The following TCF7L1 variants were observed in gnomAD, a reference collection of about 807,000 sequenced individuals.
TCF7L1 encodes transcription factor 7 like 1, also known as transcription factor 7-like 1.
Under a neutral mutation model 63.7 loss-of-function variants are expected in TCF7L1, and 18 were observed. The observed-to-expected ratio is 0.28, with a 90% CI of 0.20 to 0.42. The LOEUF (loss-of-function observed/expected upper bound fraction) is 0.42. TCF7L1 is among the 10% of genes least tolerant of loss of function. TCF7L1 has a pLI of 1.00. For missense variants in TCF7L1, 654 were observed against 779.3 expected, an observed-to-expected ratio of 0.84 and a Z score of 1.91; for synonymous variants, 355 against 340.9, an observed-to-expected ratio of 1.04 and a Z score of -0.46.
In TCF7L1 at chr2:85,306,121, C is replaced by A; in HGVS notation, c.990-85C>A. 1.3e-6 allele frequency: 2 copies of A among 1,556,882 alleles called. No homozygotes were observed. Among genetic ancestry groups the A allele is most frequent in the Non-Finnish European group, 8.8e-7 (1 of 1,139,142 alleles). On this transcript the variant is annotated intron_variant, in intron 8 of 11. Coordinates refer to ENST00000282111, the MANE Select transcript of TCF7L1 (RefSeq NM_031283.3). The surrounding 1 kb of genome is among the most constrained non-coding windows in gnomAD (Gnocchi z 4.3). ...GGCAGCCCGCGCCCCTCCCCAGAGA[C>A]AATCAGCGGTGTTTCAGTGACAGGT...
intron 3 of TCF7L1, among the ~76,000 whole-genome samples, chr2:85,259,682 C>A (rs1297786669): frequency 6.6e-6 from 1 of 152,194 alleles, no homozygotes; most frequent in Non-Finnish European, 1.5e-5. Flanking sequence ...GGAGAATAAT[C>A]TTTTGGGAAA....
intron 3 of TCF7L1, among the ~76,000 whole-genome samples, chr2:85,201,848 G>A (rs1187010103): frequency 2.0e-5 from 3 of 152,156 alleles, no homozygotes; most frequent in Admixed American, 2.0e-4. Flanking sequence ...ACCTTTTCCT[G>A]ATGGCTAATG....
chr2:85,309,491 A>G lies in TCF7L1; in HGVS notation c.*29A>G, dbSNP rs1682224906. The G allele has an allele frequency of 2.0e-6, 3 of 1,513,792 alleles. No homozygotes were observed. The highest frequency in any genetic ancestry group is 2.3e-5 in the East Asian group (1 of 43,964). 93.8% of individuals were successfully genotyped at this position (1,513,792 alleles called of 1,614,324 possible). On this transcript the variant is annotated 3_prime_UTR_variant, in exon 12 of 12. Transcript: ENST00000282111. ...CCCCCCGACCCCTGCAGGCTGTCACATGACTCATTGAGTAGTAATGATTCA... is the reference window on the plus strand; with the variant it reads ...CCCCCCGACCCCTGCAGGCTGTCACGTGACTCATTGAGTAGTAATGATTCA...
intron 3 of TCF7L1, among the ~76,000 whole-genome samples, chr2:85,162,029 C>T (rs1165753651): frequency 6.6e-6 from 1 of 151,808 alleles, no homozygotes; most frequent in Non-Finnish European, 1.5e-5. Context: ...GAGAGCAGTG[C>T]CCTGAAGTTC....
intron 4 of TCF7L1, among the ~76,000 whole-genome samples, chr2:85,285,553 G>A (rs201290013): frequency 1.1e-4 from 16 of 152,360 alleles, no homozygotes; most frequent in African/African-American, 3.6e-4. Flanking sequence ...ACAAGCTGCT[G>A]TTGAACAAGC....
At chr2:85,229,252 C>G (rs1171105579) in intron 3 of TCF7L1, among the ~76,000 whole-genome samples, 3 of 152,108 alleles carry the variant, frequency 2.0e-5, no homozygotes, top group South Asian at 2.1e-4. Context: ...GAGGCTGAGG[C>G]AGGAAAATCA....
intron 10 of TCF7L1, 131 bp from the exon 11 acceptor site, chr2:85,307,511 C>A: frequency 1.4e-6 from 1 of 696,196 alleles, no homozygotes; most frequent in Non-Finnish European, 2.5e-6. Context: ...TCTGAATTAT[C>A]TCTCCACACT....
At chr2:85,151,946 G>T (rs1678026968) in intron 3 of TCF7L1, among the ~76,000 whole-genome samples, 1 of 152,180 alleles carries the variant, frequency 6.6e-6, no homozygotes, top group African/African-American at 2.4e-5. Flanking sequence ...TTTCCTCCTG[G>T]TTTCATGGCA....
chr2:85,159,795 C>T (rs915215034), intron 3 of TCF7L1, among the ~76,000 whole-genome samples: 3 of 152,228 alleles, frequency 2.0e-5, no homozygotes, highest in African/African-American at 7.2e-5. Context: ...ATCCTGCCGG[C>T]CTTGCTGGTT....
At chr2:85,242,905 G>A (rs1680370044) in intron 3 of TCF7L1, among the ~76,000 whole-genome samples, 1 of 152,088 alleles carries the variant, frequency 6.6e-6, no homozygotes, top group Non-Finnish European at 1.5e-5. Flanking sequence ...TTGAATGAAA[G>A]GGCATGTTTT....
intron 3 of TCF7L1, among the ~76,000 whole-genome samples, chr2:85,258,655 G>A (rs2104343480): frequency 6.6e-6 from 1 of 152,304 alleles, no homozygotes; most frequent in East Asian, 1.9e-4. Context: ...AGGAGAGAAT[G>A]TATTTAACAG....
intron 3 of TCF7L1, among the ~76,000 whole-genome samples, chr2:85,258,347 G>A: frequency 6.6e-6 from 1 of 152,148 alleles, no homozygotes. Flanking sequence ...GGATCCTGAG[G>A]CTTGAGAGCC....
chr2:85,168,290 T>C (rs1373658434), intron 3 of TCF7L1, among the ~76,000 whole-genome samples: 3 of 152,178 alleles, frequency 2.0e-5, no homozygotes, highest in Admixed American at 6.5e-5. Context: ...GATGGTATTA[T>C]GGATGTATGC....
intron 4 of TCF7L1, among the ~76,000 whole-genome samples, chr2:85,298,232 G>A (rs565471096): frequency 8.4e-5 from 12 of 142,788 alleles, no homozygotes; most frequent in Non-Finnish European, 1.5e-4. Flanking sequence ...GGTGGCTCAC[G>A]CCTGTATCCC....
At chr2:85,304,482 C>T (rs990951882) in intron 7 of TCF7L1, 144 bp downstream of exon 7, 27 of 742,670 alleles carry the variant, frequency 3.6e-5, no homozygotes, top group South Asian at 1.3e-4. Context: ...CATCTTCTCA[C>T]GTCCCGCGCT....
At chr2:85,196,023 C>G (rs112308119) in intron 3 of TCF7L1, among the ~76,000 whole-genome samples, 24 of 152,196 alleles carry the variant, frequency 1.6e-4, no homozygotes, top group Admixed American at 2.6e-4. Context: ...ACCATGGAGA[C>G]CAGGCAGCAG....
chr2:85,195,429 G>A (rs1177708721), intron 3 of TCF7L1, among the ~76,000 whole-genome samples: 1 of 152,216 alleles, frequency 6.6e-6, no homozygotes, highest in East Asian at 1.9e-4. Context: ...CATGCTGGGT[G>A]ACAGAGCGAG....
intron 4 of TCF7L1, among the ~76,000 whole-genome samples, chr2:85,294,906 T>C (rs1390027995): frequency 6.6e-6 from 1 of 151,890 alleles, no homozygotes; most frequent in Non-Finnish European, 1.5e-5. Flanking sequence ...TGGTGGCACA[T>C]ACCTGCAGTC....
At chr2:85,222,371 A>C (rs1186768642) in intron 3 of TCF7L1, among the ~76,000 whole-genome samples, 1 of 150,612 alleles carries the variant, frequency 6.6e-6, no homozygotes, top group Non-Finnish European at 1.5e-5. Context: ...AAACAAAAAA[A>C]AAAACACTAA....
Sources: gnomAD v4.1 joint callset for allele counts (sites outside exome capture counted in the v4.1 genomes callset) on GRCh38, gnomAD v4.1.1 for gene constraint, Gnocchi (gnomAD v3.1) non-coding constraint, MANE v1.5 for transcripts, NCBI Gene and HGNC (gene_info 2026-07-23, HGNC 2026-07-21) for gene names.